ITGA8: variants seen among roughly 807,000 people sequenced by gnomAD.
The protein encoded by ITGA8 is integrin alpha-8.
ITGA8 carries 91 observed loss-of-function variants against 142.3 expected under a neutral mutation model. The observed-to-expected ratio is 0.64, with a 90% confidence interval of 0.54 to 0.76. The LOEUF is 0.76. Ranked by LOEUF, ITGA8 falls within the 30% of genes least tolerant of loss-of-function variation. The pLI is 0.00. For missense variants in ITGA8, 1,406 were observed against 1,327.7 expected (o/e 1.06, Z -0.92); for synonymous variants, 505 against 485.2 (o/e 1.04, Z -0.54).
chr10:15,589,967 T>C (rs1263363690), intron 22 of ITGA8, among the ~76,000 whole-genome samples: 1 of 152,160 alleles, frequency 6.6e-6, no homozygotes. Context: ...TTCACCATGT[T>C]GGCTAGGCTG....
At chr10:15,574,628 A>G (rs1020317440) in intron 24 of ITGA8, among the ~76,000 whole-genome samples, 1 of 151,674 alleles carries the variant, frequency 6.6e-6, no homozygotes, top group South Asian at 2.1e-4. Flanking sequence ...TGACCTCATG[A>G]TCCGCCTGCC....
intron 23 of ITGA8, among the ~76,000 whole-genome samples, chr10:15,585,758 G>T (rs1484287320): frequency 6.6e-6 from 1 of 152,072 alleles, no homozygotes; most frequent in East Asian, 1.9e-4. Flanking sequence ...TCATTTCCTT[G>T]ACCCTTTTCC....
intron 16 of ITGA8, 98 bp from the exon 17 acceptor site, chr10:15,607,929 G>T: frequency 1.9e-6 from 2 of 1,076,856 alleles, no homozygotes; most frequent in East Asian, 2.4e-5. Flanking sequence ...TCAGGAAACA[G>T]TTCTTTTTCA....
intron 21 of ITGA8, 26 bp from the exon 22 acceptor site, chr10:15,592,330 A>AGCTACTCTTGTGT: frequency 6.5e-7 from 1 of 1,528,502 alleles, no homozygotes; most frequent in Non-Finnish European, 9.1e-7. Context: ...AAATCACACA[A>AGCTACTCTTGTGT]GAGTAGCTTG....
chr10:15,561,417 A>C (rs1017986944), intron 25 of ITGA8, among the ~76,000 whole-genome samples: 20 of 152,016 alleles, frequency 1.3e-4, no homozygotes, highest in Non-Finnish European at 1.9e-4. Flanking sequence ...CTTAACATAA[A>C]AATCATGAAC....
Position 15,672,628 on chromosome 10 carries a change from G to A in ITGA8, c.798C>T (p.Tyr266=), listed in dbSNP as rs1834545719. ...GTCTTGGGCAATGGGTCTTACCAAG[G>A]TAACTGTCATCATAGGAAGCTGGAG... The part of the protein sequence containing the change: ...EVAPASYDDS[Y]LGYSVAAGEF... Residue 266 remains tyrosine, a synonymous_variant, in exon 7 of 30, where the codon TAC becomes TAT. Coordinates refer to ENST00000378076, the MANE Select transcript of ITGA8 (RefSeq NM_003638.3). 1 of 1,612,790 alleles carries A rather than the reference G, an allele frequency of 6.2e-7. No homozygotes were observed. The highest frequency in any genetic ancestry group is 1.1e-5 in the South Asian group (1 of 90,814).
At chr10:15,626,785 A>G (rs889367821) in intron 13 of ITGA8, among the ~76,000 whole-genome samples, 1 of 152,212 alleles carries the variant, frequency 6.6e-6, no homozygotes, top group Non-Finnish European at 1.5e-5. Flanking sequence ...ATGAAGATGT[A>G]GGGAGAAGAT....
intron 26 of ITGA8, among the ~76,000 whole-genome samples, chr10:15,553,261 A>G (rs1036681014): frequency 6.6e-6 from 1 of 151,630 alleles, no homozygotes; most frequent in Non-Finnish European, 1.5e-5. Context: ...TATCTCAAGA[A>G]AAAAAAAATT....
At position 15,586,586 on chromosome 10, in the gene ITGA8, T is replaced by A. The variant is rs770834571; in HGVS notation, c.2370A>T (p.Arg790Ser). Residue 790 changes from arginine to serine, a missense_variant and splice_region_variant, in exon 23 of 30, where the codon AGA becomes AGT. Arg to Ser is a moderately radical substitution (Grantham distance 110, BLOSUM62 -1). Transcript: ENST00000378076. The part of the protein sequence containing the change: ...NITAVAQVEI[R>S]GVSHPPQIVL... ...ACTATGCATTGCTTACTACTTACCC[T>A]CTTATTTCCACCTGCGCTACAGCAG... The A allele has an allele frequency of 1.9e-6, 3 of 1,597,562 alleles. No homozygotes were observed. The East Asian group carries it at 6.7e-5, about 36-fold the overall frequency.
intron 27 of ITGA8, among the ~76,000 whole-genome samples, chr10:15,538,847 A>G (rs57053200): frequency 0.066 from 10,008 of 151,958 alleles, 1,100 homozygotes; most frequent in African/African-American, 0.23. Context: ...TCTCTGAATT[A>G]TTAAACTTAG....
At chr10:15,530,717 C>T (rs2131541460) in intron 28 of ITGA8, among the ~76,000 whole-genome samples, 1 of 152,238 alleles carries the variant, frequency 6.6e-6, no homozygotes, top group South Asian at 2.1e-4. Context: ...TCCCTTCTTA[C>T]TTGACTAACC....
chr10:15,543,238 T>C (rs1218823764), intron 27 of ITGA8, among the ~76,000 whole-genome samples: 1 of 152,226 alleles, frequency 6.6e-6, no homozygotes, highest in Non-Finnish European at 1.5e-5. Context: ...ACCCAGTATC[T>C]ACCAGAGACA....
chr10:15,551,656 G>C (rs1833795060), intron 26 of ITGA8, among the ~76,000 whole-genome samples: 1 of 152,158 alleles, frequency 6.6e-6, no homozygotes, highest in African/African-American at 2.4e-5. Context: ...TGGAAATTTT[G>C]ATCCCAACAC....
intron 17 of ITGA8, among the ~76,000 whole-genome samples, chr10:15,607,221 G>A (rs1327933624): frequency 6.6e-6 from 1 of 152,188 alleles, no homozygotes; most frequent in Non-Finnish European, 1.5e-5. Context: ...TGAAGTCATT[G>A]TAAAAAGACA....
intron 2 of ITGA8, among the ~76,000 whole-genome samples, chr10:15,694,284 AGATAATATATCATATATAT>A (rs1366172321): frequency 0.015 from 1,497 of 101,666 alleles, 70 homozygotes; most frequent in African/African-American, 0.053. Flanking sequence ...ATCATACATC[AGATAATATATCATATATAT>A]GATAATATAT....
chr10:15,625,235 T>C (rs1833560405), intron 13 of ITGA8, among the ~76,000 whole-genome samples: 1 of 152,206 alleles, frequency 6.6e-6, no homozygotes, highest in African/African-American at 2.4e-5. Context: ...GTTTTCCTTT[T>C]AAAACAATCC....
intron 20 of ITGA8, among the ~76,000 whole-genome samples, chr10:15,603,036 T>G (rs1833130747): frequency 6.7e-6 from 1 of 149,338 alleles, no homozygotes. Context: ...GACTTTGGAG[T>G]TTTTTTTTTC....
At chr10:15,559,316 G>A (rs542516834) in intron 25 of ITGA8, among the ~76,000 whole-genome samples, 2 of 152,272 alleles carry the variant, frequency 1.3e-5, no homozygotes, top group Admixed American at 1.3e-4. Context: ...AGGTACACTC[G>A]CCAAGCCTCT....
At chr10:15,654,368 G>C (rs1034211389) in intron 11 of ITGA8, among the ~76,000 whole-genome samples, 4 of 152,154 alleles carry the variant, frequency 2.6e-5, no homozygotes, top group Non-Finnish European at 4.4e-5. Flanking sequence ...TGAAGTTATG[G>C]ATTTCTCTGC....
Sources: gnomAD v4.1 joint callset for allele counts (sites outside exome capture counted in the v4.1 genomes callset) on GRCh38, gnomAD v4.1.1 for gene constraint, MANE v1.5 for transcripts, NCBI Gene and HGNC (gene_info 2026-07-23, HGNC 2026-07-21) for gene names.